TNR: variants seen among roughly 807,000 people sequenced by gnomAD.
The protein encoded by TNR is tenascin-R.
In TNR, 45 loss-of-function variants were observed where a neutral mutation model predicts 150.4. The observed-to-expected ratio is 0.30, with a 90% confidence interval of 0.24 to 0.38. TNR has a LOEUF of 0.38. Ranked by LOEUF, TNR falls within the 10% of genes least tolerant of loss-of-function variation. The probability of loss-of-function intolerance (pLI) is 1.00; values close to 1 mark genes in which losing one functional copy is unlikely to be tolerated. For missense variants in TNR, 1,544 were observed against 1,759.1 expected, an observed-to-expected ratio of 0.88 and a Z score of 2.19; for synonymous variants, 687 against 678.4, an observed-to-expected ratio of 1.01 and a Z score of -0.20.
chr1:175,503,912 C>T (rs145363696), intron 2 of TNR, among the ~76,000 whole-genome samples: 139 of 152,190 alleles, frequency 9.1e-4, no homozygotes, highest in African/African-American at 3.1e-3. Flanking sequence ...AAATTGTGCC[C>T]GCATGGAATG....
At chr1:175,691,292 G>T (rs1227567399) in intron 1 of TNR, among the ~76,000 whole-genome samples, 1 of 152,102 alleles carries the variant, frequency 6.6e-6, no homozygotes. Context: ...TTTCAAAATA[G>T]TAATATTAAT....
rs151067239 is a variant in TNR at position 175,379,491 on chromosome 1, G to A, written c.1963+61C>T. 1.9e-4 allele frequency: 283 copies of A among 1,486,304 alleles called. 1 individual carries two copies. The African/African-American group carries it at 2.7e-3, about 14-fold the overall frequency. 92.1% of individuals were successfully genotyped at this position (1,486,304 alleles called of 1,614,324 possible). A position where few individuals can be genotyped will look rare whatever the true frequency, so the allele number is the denominator to read the frequency against. On this transcript the variant is annotated intron_variant, in intron 9 of 22. Transcript: ENST00000367674. ...GTTTGTAAGATGTGTAGGTTGGGGA[G>A]ACAGCTGTGAGGGTATAGACTCAGC...
intron 1 of TNR, among the ~76,000 whole-genome samples, chr1:175,544,397 C>T (rs549437624): frequency 3.6e-4 from 54 of 152,104 alleles, no homozygotes; most frequent in African/African-American, 9.6e-4. Context: ...ACTCACTGGA[C>T]GGGATAGGGG....
rs1571410774 is a variant in TNR at position 175,417,142 on chromosome 1, C to T, written c.-63-10365G>A. ...TAGTTGAGAAGACTAGGCTAATACA[C>T]ACGAAACTGAAGAACAAGGCAAGCC... is the stretch of plus-strand genomic sequence containing the variant. On this transcript the variant is annotated intron_variant, in intron 2 of 22. Transcript: ENST00000367674. 2.6e-5 allele frequency among the ~76,000 whole-genome samples: 4 copies of T among 152,202 alleles called. No individual in the cohort carries two copies. The South Asian group carries it at 8.3e-4, about 32-fold the overall frequency.
intron 1 of TNR, among the ~76,000 whole-genome samples, chr1:175,688,740 G>A (rs1666271288): frequency 1.3e-5 from 2 of 152,078 alleles, no homozygotes; most frequent in South Asian, 4.2e-4. Flanking sequence ...AGAGTGCAGT[G>A]AGGACTAGGC....
At chr1:175,557,092 A>G (rs187664742) in intron 1 of TNR, among the ~76,000 whole-genome samples, 1 of 152,322 alleles carries the variant, frequency 6.6e-6, no homozygotes, top group East Asian at 1.9e-4. Context: ...GCAGCCTCTC[A>G]CAGACAGTCA....
At chr1:175,631,901 T>C (rs1306664407) in intron 1 of TNR, among the ~76,000 whole-genome samples, 3 of 152,262 alleles carry the variant, frequency 2.0e-5, no homozygotes, top group African/African-American at 7.2e-5. Context: ...TAATGCTTTT[T>C]GACTAAAAAT....
chr1:175,478,791 T>G (rs1657658592), intron 2 of TNR, among the ~76,000 whole-genome samples: 1 of 152,164 alleles, frequency 6.6e-6, no homozygotes, highest in African/African-American at 2.4e-5. Context: ...CTGCTCTTGT[T>G]TTTTCCAGAA....
intron 4 of TNR, among the ~76,000 whole-genome samples, chr1:175,402,313 CAAAAAAAAAAA>C (rs149037374): frequency 2.4e-5 from 1 of 41,694 alleles, no homozygotes; most frequent in Non-Finnish European, 4.1e-5. Context: ...GACTCCGTCT[CAAAAAAAAAAA>C]AAAAAAAAAA....
intron 2 of TNR, among the ~76,000 whole-genome samples, chr1:175,525,039 G>T (rs184332343): frequency 4.9e-4 from 74 of 152,246 alleles, no homozygotes; most frequent in Non-Finnish European, 7.6e-4. Flanking sequence ...TTCCCACATG[G>T]CATGGGAGGG....
intron 2 of TNR, among the ~76,000 whole-genome samples, chr1:175,501,339 C>G (rs570500786): frequency 6.6e-6 from 1 of 152,330 alleles, no homozygotes; most frequent in East Asian, 1.9e-4. Flanking sequence ...TAGGGGTGAG[C>G]TGCAGAAGTT....
At chr1:175,740,043 A>C (rs1667881618) in intron 1 of TNR, among the ~76,000 whole-genome samples, 1 of 152,240 alleles carries the variant, frequency 6.6e-6, no homozygotes, top group Non-Finnish European at 1.5e-5. Flanking sequence ...AATGCGGTTG[A>C]AATGACCACT....
At chr1:175,492,011 A>T (rs865958) in intron 2 of TNR, among the ~76,000 whole-genome samples, 10,937 of 102,684 alleles carry the variant, frequency 0.11, 892 homozygotes, top group African/African-American at 0.28. Flanking sequence ...TAAAAGTTTC[A>T]TGAAGGAAGA....
chr1:175,401,614 T>G (rs1653705089), intron 4 of TNR, among the ~76,000 whole-genome samples: 1 of 152,192 alleles, frequency 6.6e-6, no homozygotes, highest in African/African-American at 2.4e-5. Context: ...CTAAGCACAG[T>G]GCATTATTGT....
intron 1 of TNR, among the ~76,000 whole-genome samples, chr1:175,537,882 G>C (rs190260793): frequency 6.6e-6 from 1 of 152,280 alleles, no homozygotes; most frequent in East Asian, 1.9e-4. Flanking sequence ...GTGCAGAACT[G>C]GTGGTGGGGG....
In TNR at chr1:175,652,069, T is replaced by C. The variant is rs185418883; in HGVS notation, c.-165+91157A>G. On this transcript the variant is annotated intron_variant, in intron 1 of 22. Coordinates refer to ENST00000367674, the MANE Select transcript of TNR (RefSeq NM_003285.3). ...CTTTTTTAATCTGATAAAAGCTATA[T>C]ACTAAAAATCTGTAGGAAATCTCAT... 3.4e-3 allele frequency among the ~76,000 whole-genome samples: 510 copies of C among 149,126 alleles called. 4 individuals are homozygous for C. The highest frequency in any genetic ancestry group is 0.011 in the African/African-American group (459 of 41,108).
intron 2 of TNR, among the ~76,000 whole-genome samples, chr1:175,465,472 A>AT (rs991177253): frequency 4.6e-5 from 7 of 152,206 alleles, no homozygotes; most frequent in Admixed American, 6.5e-5. Context: ...TCCTTATGGG[A>AT]TTTTTTTATG....
At chr1:175,551,427 A>T (rs1234021366) in intron 1 of TNR, among the ~76,000 whole-genome samples, 1 of 152,210 alleles carries the variant, frequency 6.6e-6, no homozygotes, top group Admixed American at 6.5e-5. Flanking sequence ...GGAATAATCC[A>T]AAAAGGGGGA....
At chr1:175,589,746 A>G (rs1388399870) in intron 1 of TNR, among the ~76,000 whole-genome samples, 1 of 152,128 alleles carries the variant, frequency 6.6e-6, no homozygotes, top group African/African-American at 2.4e-5. Flanking sequence ...CTAACACCAG[A>G]ACAGAAAACC....
Sources: allele counts gnomAD v4.1 joint callset (sites outside exome capture counted in the v4.1 genomes callset), GRCh38; gene constraint gnomAD v4.1.1; transcripts MANE v1.5; gene names NCBI Gene and HGNC (gene_info 2026-07-23, HGNC 2026-07-21).